AGO1: variants seen among roughly 807,000 people sequenced by gnomAD.
AGO1 encodes protein argonaute-1.
In AGO1, 11 loss-of-function variants were observed where a neutral mutation model predicts 109.2. That is an observed-to-expected ratio of 0.10 (90% CI 0.06 to 0.17). The LOEUF (loss-of-function observed/expected upper bound fraction) is 0.17. Ranked by LOEUF, AGO1 falls within the 10% of genes least tolerant of loss-of-function variation. The probability of loss-of-function intolerance (pLI) is 1.00; values close to 1 mark genes in which losing one functional copy is unlikely to be tolerated. For missense variants in AGO1, 574 were observed against 1,140.3 expected (o/e 0.50, Z 7.15); for synonymous variants, 422 against 418.6 (o/e 1.01, Z -0.10).
At chr1:35,918,868 G>A (rs1294414163) in intron 17 of AGO1, among the ~76,000 whole-genome samples, 187 bp from the exon 18 acceptor site, 2 of 152,172 alleles carry the variant, frequency 1.3e-5, no homozygotes, top group Admixed American at 6.5e-5. Context: ...GACTGCTGTC[G>A]TAATAAGCCC....
At chr1:35,886,577 G>A (rs1370654317) in intron 1 of AGO1, among the ~76,000 whole-genome samples, 1 of 152,040 alleles carries the variant, frequency 6.6e-6, no homozygotes, top group Non-Finnish European at 1.5e-5. Context: ...ATCTTTCTCC[G>A]AAGGCCCCAA....
chr1:35,884,554 A>G (rs1294025626), intron 1 of AGO1, among the ~76,000 whole-genome samples: 1 of 152,130 alleles, frequency 6.6e-6, no homozygotes, highest in Non-Finnish European at 1.5e-5. Flanking sequence ...CCTATCTTCC[A>G]CTGGATATCT....
intron 15 of AGO1, 121 bp from the exon 16 acceptor site, chr1:35,917,472 T>C: frequency 1.7e-6 from 2 of 1,152,884 alleles, no homozygotes; most frequent in Non-Finnish European, 2.4e-6. Context: ...AGCATCAGCA[T>C]ATAAAGGGAG....
rs1356863618 is a variant in AGO1, at chr1:35,928,872, T to G, written c.*9265T>G. ...GGTTCAACTTTCAGAGCGCACTGAT[T>G]TCTCTGCACCTGAGATTTTGTACTA... On this transcript the variant is annotated 3_prime_UTR_variant, in exon 19 of 19. Coordinates refer to ENST00000373204, the MANE Select transcript of AGO1 (RefSeq NM_012199.5). The G allele has an allele frequency of 6.6e-6, 1 of 152,254 alleles. No individual in the cohort carries two copies. Among genetic ancestry groups the G allele is most frequent in the Non-Finnish European group, 1.5e-5 (1 of 68,042 alleles). 9.4% of individuals were successfully genotyped at this position (152,254 alleles called of 1,614,324 possible).
Position 35,893,592 on chromosome 1 carries a change from G to A in AGO1, c.513-82G>A. On this transcript the variant is annotated intron_variant, in intron 4 of 18. Coordinates refer to ENST00000373204, the MANE Select transcript of AGO1 (RefSeq NM_012199.5). This position sits in a 1 kb window ranked among gnomAD's most constrained non-coding sequence, Gnocchi z 5.6. The stretch of plus-strand genomic sequence containing the variant: ...AAAGCCCCGGTGTCCTGCCTTTCAG[G>A]CCAGGGCTCCTCCGTGCCCAGGATG... The A allele has an allele frequency of 7.0e-7, 1 of 1,430,518 alleles. No individual in the cohort carries two copies. The highest frequency in any genetic ancestry group is 9.4e-7 in the Non-Finnish European group (1 of 1,064,690). 88.6% of individuals were successfully genotyped at this position (1,430,518 alleles called of 1,614,324 possible).
intron 15 of AGO1, among the ~76,000 whole-genome samples, chr1:35,916,742 G>A (rs1464515775): frequency 6.6e-6 from 1 of 152,236 alleles, no homozygotes; most frequent in Non-Finnish European, 1.5e-5. Flanking sequence ...TATCTGTTCA[G>A]AAATGTCTAG....
chr1:35,894,485 C>G, intron 7 of AGO1, 83 bp downstream of exon 7: 1 of 1,365,874 alleles, frequency 7.3e-7, no homozygotes. Flanking sequence ...CCTCCCTCCC[C>G]CACTGGCCTT....
At chr1:35,914,054 A>G (rs1645689910) in intron 13 of AGO1, 53 bp downstream of exon 13, 2 of 1,609,872 alleles carry the variant, frequency 1.2e-6, no homozygotes, top group Non-Finnish European at 1.7e-6. Flanking sequence ...CTGGGAATTG[A>G]TGAAGAGATA....
At chr1:35,914,971 A>C (rs987819295) in intron 14 of AGO1, among the ~76,000 whole-genome samples, 5 of 152,152 alleles carry the variant, frequency 3.3e-5, no homozygotes, top group Non-Finnish European at 7.4e-5. Context: ...GAATGGGAAA[A>C]AGGATAAACT....
intron 17 of AGO1, among the ~76,000 whole-genome samples, chr1:35,918,667 C>T (rs1006903228): frequency 1.3e-5 from 2 of 152,134 alleles, no homozygotes; most frequent in Non-Finnish European, 2.9e-5. Context: ...CCTGCCTTCC[C>T]GCCTCAGCCT....
At chr1:35,906,809 A>G (rs1220635316) in intron 11 of AGO1, 126 bp from the exon 12 acceptor site, 5 of 221,912 alleles carry the variant, frequency 2.3e-5, no homozygotes, top group South Asian at 1.3e-4. Context: ...TGTCTCAAGG[A>G]AAAAAAAAAA....
chr1:35,888,929 A>C lies in AGO1; in HGVS notation c.209+319A>C, dbSNP rs1645166157. On this transcript the variant is annotated intron_variant, in intron 2 of 18. Transcript: ENST00000373204. This position sits in a 1 kb window ranked among gnomAD's most constrained non-coding sequence, Gnocchi z 4.1. ...AATGAATAAAGAGTTTTAAAGAATG[A>C]GATATGGGTATGTTTACAGATTAAG... Among the ~76,000 whole-genome samples the C allele has an allele frequency of 6.6e-6, 1 of 152,200 alleles. No individual in the cohort carries two copies. The highest frequency in any genetic ancestry group is 1.5e-5 in the Non-Finnish European group (1 of 68,048).
At position 35,901,919 on chromosome 1, in the gene AGO1, T is replaced by G; in HGVS notation, c.1141-29T>G. Reference sequence around the variant, plus strand: ...GAGCAGTATTGCCAAGCTCCTGTTCTCCTGAGATTGCTCTCTTTTGTCCTG... The same window carrying G: ...GAGCAGTATTGCCAAGCTCCTGTTCGCCTGAGATTGCTCTCTTTTGTCCTG... On this transcript the variant is annotated intron_variant, in intron 9 of 18. Transcript: ENST00000373204. This position sits in a 1 kb window ranked among gnomAD's most constrained non-coding sequence, Gnocchi z 4.8. 1.3e-6 allele frequency: 2 copies of G among 1,555,878 alleles called. No individual in the cohort carries two copies. Among genetic ancestry groups the G allele is most frequent in the East Asian group, 2.2e-5 (1 of 44,506 alleles).
In AGO1 at chr1:35,923,745, A is replaced by G. The variant is rs1645875707; in HGVS notation, c.*4138A>G. On this transcript the variant is annotated 3_prime_UTR_variant, in exon 19 of 19. Coordinates refer to ENST00000373204, the MANE Select transcript of AGO1 (RefSeq NM_012199.5). ...CCTTACTCTACTCATACTGACTTAG[A>G]GCCTCTGGCTGCTGTTTGGGCATCC... is the stretch of plus-strand genomic sequence containing the variant. The G allele has an allele frequency of 6.6e-6, 1 of 152,554 alleles. No individual in the cohort carries two copies. The highest frequency in any genetic ancestry group is 1.5e-5 in the Non-Finnish European group (1 of 68,026). 9.5% of individuals were successfully genotyped at this position (152,554 alleles called of 1,614,324 possible).
intron 12 of AGO1, among the ~76,000 whole-genome samples, chr1:35,912,919 A>G (rs1045479776): frequency 1.3e-5 from 2 of 151,772 alleles, no homozygotes; most frequent in Admixed American, 1.3e-4. Flanking sequence ...TATCCATAAA[A>G]ATTTTCTTTT....
At chr1:35,897,115 A>G (rs1246485417) in intron 8 of AGO1, among the ~76,000 whole-genome samples, 1 of 152,214 alleles carries the variant, frequency 6.6e-6, no homozygotes, top group Non-Finnish European at 1.5e-5. Flanking sequence ...TATGGAGCTT[A>G]CATTCTAGAA....
Position 35,901,016 on chromosome 1 carries a change from C to CTT in AGO1, c.1021-457_1021-456insTT, listed in dbSNP as rs1645406170. ...TTTTTTTTTGAGACAGGGTCTCACT[C>CTT]TGTCACCCAGGCTGGCGTTCAGTGG... On this transcript the variant is annotated intron_variant, in intron 8 of 18. Coordinates refer to ENST00000373204, the MANE Select transcript of AGO1 (RefSeq NM_012199.5). This position sits in a 1 kb window ranked among gnomAD's most constrained non-coding sequence, Gnocchi z 4.8. 6.7e-6 allele frequency among the ~76,000 whole-genome samples: 1 copy of CTT among 149,200 alleles called. No individual in the cohort carries two copies. The highest frequency in any genetic ancestry group is 2.1e-4 in the South Asian group (1 of 4,724).
intron 1 of AGO1, among the ~76,000 whole-genome samples, chr1:35,886,022 T>C (rs1039408793): frequency 1.3e-5 from 2 of 151,852 alleles, no homozygotes; most frequent in African/African-American, 4.8e-5. Flanking sequence ...CCTTGGGAGG[T>C]GTGTGGGCCT....
rs1257991389 is a variant in AGO1, at chr1:35,888,331, T to G, written c.26-96T>G. On this transcript the variant is annotated intron_variant, in intron 1 of 18. Transcript: ENST00000373204. This position sits in a 1 kb window ranked among gnomAD's most constrained non-coding sequence, Gnocchi z 4.1. ...AGCAGGAAAGAGGCATTCTCTATAC[T>G]CTCGTGTTCCTGTTCTGGGAGGCCT... is the stretch of plus-strand genomic sequence containing the variant. 5 of 1,308,028 alleles carry G rather than the reference T, an allele frequency of 3.8e-6. No homozygotes were observed. The African/African-American group carries it at 5.9e-5, about 15-fold the overall frequency. 81.0% of individuals were successfully genotyped at this position (1,308,028 alleles called of 1,614,324 possible). A position where few individuals can be genotyped will look rare whatever the true frequency, so the allele number is the denominator to read the frequency against.
Sources: gnomAD v4.1 joint callset for allele counts (sites outside exome capture counted in the v4.1 genomes callset) on GRCh38, gnomAD v4.1.1 for gene constraint, Gnocchi (gnomAD v3.1) non-coding constraint, MANE v1.5 for transcripts, NCBI Gene and HGNC (gene_info 2026-07-23, HGNC 2026-07-21) for gene names.